Variants in ZDHHC14 observed in about 807,000 individuals in gnomAD.
ZDHHC14 encodes palmitoyltransferase ZDHHC14.
ZDHHC14 carries 16 observed loss-of-function variants against 47.7 expected under a neutral mutation model. That is an observed-to-expected ratio of 0.34 (90% CI 0.23 to 0.51). The LOEUF (loss-of-function observed/expected upper bound fraction) is 0.51. Among genes scored for constraint, ZDHHC14 ranks in the 20% least tolerant of loss-of-function variants. ZDHHC14 has a pLI of 0.97. For synonymous variants in ZDHHC14, 293 were observed against 278.9 expected (o/e 1.05, Z -0.50); for missense variants, 515 against 662.5 (o/e 0.78, Z 2.44).
intron 2 of ZDHHC14, among the ~76,000 whole-genome samples, chr6:157,573,146 G>A (rs558274941): frequency 1.4e-5 from 2 of 144,088 alleles, no homozygotes; most frequent in South Asian, 2.5e-4. Context: ...GTCTGCACTC[G>A]CCATCCCCCT....
intron 1 of ZDHHC14, among the ~76,000 whole-genome samples, chr6:157,525,269 T>C (rs1480079401): frequency 1.3e-5 from 2 of 152,200 alleles, no homozygotes; most frequent in African/African-American, 4.8e-5. Flanking sequence ...CAAGCGATCC[T>C]CCTGCCTCAG....
chr6:157,560,270 A>G (rs149627764), intron 2 of ZDHHC14, among the ~76,000 whole-genome samples: 5,518 of 152,316 alleles, frequency 0.036, 138 homozygotes, highest in Non-Finnish European at 0.056. Flanking sequence ...AGTTGCCTAC[A>G]CAACAGCTAC....
intron 1 of ZDHHC14, among the ~76,000 whole-genome samples, chr6:157,422,860 C>G (rs555323882): frequency 6.6e-5 from 10 of 152,268 alleles, no homozygotes; most frequent in African/African-American, 2.4e-4. Flanking sequence ...TGGCTCTTCC[C>G]ACAATCTGTC....
rs1193287692 is a variant in ZDHHC14 at position 157,382,060 on chromosome 6, G to C, written c.39G>C (p.Glu13Asp). 9 of 1,595,350 alleles carry C rather than the reference G, an allele frequency of 5.6e-6. No homozygotes were observed. The highest frequency in any genetic ancestry group is 7.7e-6 in the Non-Finnish European group (9 of 1,172,258). The change falls in exon 1 of 9, where the codon GAG becomes GAC. Residue 13 changes from glutamate (E) to aspartate (D), a missense_variant. By Grantham distance (45) the Glu-to-Asp change is conservative (BLOSUM62 2). Transcript: ENST00000359775. ...GCGGCGGGCCCATGAAAGACTGCGA[G>C]TACAGCCAGATCAGCACCCACAGCT... is the stretch of plus-strand genomic sequence containing the variant. ...PGGGGPMKDC[E>D]YSQISTHSSS...
At chr6:157,493,732 G>A (rs1200732461) in intron 1 of ZDHHC14, among the ~76,000 whole-genome samples, 1 of 152,238 alleles carries the variant, frequency 6.6e-6, no homozygotes, top group Non-Finnish European at 1.5e-5. Flanking sequence ...AGCTTTTCCT[G>A]GGAAGTGCCC....
chr6:157,391,657 G>T (rs1019645802), intron 1 of ZDHHC14, among the ~76,000 whole-genome samples: 1 of 152,192 alleles, frequency 6.6e-6, no homozygotes, highest in Non-Finnish European at 1.5e-5. Flanking sequence ...GTTTATGGTG[G>T]ATTCCTGTTC....
chr6:157,533,186 A>G (rs1013922854), intron 1 of ZDHHC14, among the ~76,000 whole-genome samples: 1 of 152,200 alleles, frequency 6.6e-6, no homozygotes, highest in Non-Finnish European at 1.5e-5. Flanking sequence ...AAGGTCAACT[A>G]TGTGCTAGAC....
At chr6:157,404,143 A>T (rs1278250607) in intron 1 of ZDHHC14, among the ~76,000 whole-genome samples, 1 of 152,122 alleles carries the variant, frequency 6.6e-6, no homozygotes, top group Non-Finnish European at 1.5e-5. Flanking sequence ...CTTTCTATTT[A>T]TTTATTTATT....
At chr6:157,614,204 A>G (rs1784866772) in intron 3 of ZDHHC14, among the ~76,000 whole-genome samples, 1 of 152,204 alleles carries the variant, frequency 6.6e-6, no homozygotes, top group African/African-American at 2.4e-5. Context: ...AGAGTCCTAC[A>G]TCCCATCAAC....
intron 1 of ZDHHC14, among the ~76,000 whole-genome samples, chr6:157,505,057 G>A (rs549182455): frequency 2.0e-5 from 3 of 151,282 alleles, no homozygotes; most frequent in Non-Finnish European, 4.4e-5. Context: ...TGATCCACCC[G>A]CCTGGGCCTC....
intron 1 of ZDHHC14, among the ~76,000 whole-genome samples, chr6:157,446,896 A>G (rs964119525): frequency 9.2e-5 from 14 of 151,900 alleles, no homozygotes; most frequent in African/African-American, 1.2e-4. Flanking sequence ...AGGCAGGCGG[A>G]TCACCTGAGG....
chr6:157,424,161 CTG>C (rs1473849365), intron 1 of ZDHHC14, among the ~76,000 whole-genome samples: 1 of 152,196 alleles, frequency 6.6e-6, no homozygotes, highest in Non-Finnish European at 1.5e-5. Flanking sequence ...GAGGCAGCCA[CTG>C]TGTGATATAT....
intron 2 of ZDHHC14, among the ~76,000 whole-genome samples, chr6:157,573,402 C>T (rs571798166): frequency 1.3e-5 from 2 of 152,308 alleles, no homozygotes; most frequent in East Asian, 3.9e-4. Context: ...GAGGGCAAGC[C>T]CGACAGAATG....
At chr6:157,549,526 C>T (rs994014161) in intron 2 of ZDHHC14, among the ~76,000 whole-genome samples, 2 of 152,166 alleles carry the variant, frequency 1.3e-5, no homozygotes, top group Non-Finnish European at 2.9e-5. Context: ...AAAAATGTAG[C>T]TTCCTTGTCT....
At chr6:157,624,710 A>G (rs1259753852) in intron 3 of ZDHHC14, among the ~76,000 whole-genome samples, 2 of 152,108 alleles carry the variant, frequency 1.3e-5, no homozygotes, top group Non-Finnish European at 2.9e-5. Context: ...CAATGCACTT[A>G]CTCCTGCAGA....
chr6:157,453,788 T>TTTTTTTTTTTTTGTGTGTGTG (rs3220439), intron 1 of ZDHHC14, among the ~76,000 whole-genome samples: 3 of 148,098 alleles, frequency 2.0e-5, no homozygotes, highest in African/African-American at 7.6e-5. Flanking sequence ...TTTTTGTGTT[T>TTTTTTTTTTTTTGTGTGTGTG]TGTGTGTGTG....
chr6:157,522,037 A>G (rs1415200127), intron 1 of ZDHHC14, among the ~76,000 whole-genome samples: 1 of 151,940 alleles, frequency 6.6e-6, no homozygotes, highest in Non-Finnish European at 1.5e-5. Context: ...TTTTTAAAGT[A>G]CAAAGCTGGT....
At chr6:157,492,693 G>A (rs1051874624) in intron 1 of ZDHHC14, among the ~76,000 whole-genome samples, 3 of 152,172 alleles carry the variant, frequency 2.0e-5, no homozygotes, top group Admixed American at 6.5e-5. Flanking sequence ...TACAATCTAG[G>A]GCATGAAGAA....
At chr6:157,412,388 G>C (rs1050711420) in intron 1 of ZDHHC14, among the ~76,000 whole-genome samples, 1 of 151,852 alleles carries the variant, frequency 6.6e-6, no homozygotes, top group South Asian at 2.1e-4. Context: ...TACCTCCTAG[G>C]TTCAAGTGGT....
Sources: gnomAD v4.1 joint callset for allele counts (sites outside exome capture counted in the v4.1 genomes callset) on GRCh38, gnomAD v4.1.1 for gene constraint, MANE v1.5 for transcripts, NCBI Gene and HGNC (gene_info 2026-07-23, HGNC 2026-07-21) for gene names.